The following HSD17B2 variants were observed in gnomAD, a reference collection of about 807,000 sequenced individuals.
The protein encoded by HSD17B2 is hydroxysteroid 17-beta dehydrogenase 2.
Under a neutral mutation model 26.9 loss-of-function variants are expected in HSD17B2, and 32 were observed. The observed-to-expected ratio is 1.19, with a 90% CI of 0.90 to 1.60. The LOEUF (loss-of-function observed/expected upper bound fraction) is 1.60. Among genes scored for constraint, HSD17B2 ranks in the 40% most tolerant of loss-of-function variants. HSD17B2 has a pLI of 0.00. For synonymous variants in HSD17B2, 246 were observed against 186.7 expected (o/e 1.32, Z -2.59); for missense variants, 613 against 468.6 (o/e 1.31, Z -2.85).
chr16:82,079,236 G>C (rs1904324237), intron 3 of HSD17B2, among the ~76,000 whole-genome samples: 1 of 152,142 alleles, frequency 6.6e-6, no homozygotes, highest in Admixed American at 6.5e-5. Context: ...GTGTTAGTTT[G>C]CTAGGGCTAC....
rs574840493 is a variant in HSD17B2, at chr16:82,061,050, G to C, written c.266-7120G>C. 3.3e-5 allele frequency among the ~76,000 whole-genome samples: 5 copies of C among 152,210 alleles called. No individual in the cohort carries two copies. The East Asian group carries it at 9.7e-4, about 29-fold the overall frequency. The stretch of plus-strand genomic sequence containing the variant: ...CTGAGGCAGGTAGATCATGAGATCA[G>C]GAGTTCAAGACCAGCCTGGCCAAGA... On this transcript the variant is annotated intron_variant, in intron 1 of 4. Transcript: ENST00000199936.
intron 1 of HSD17B2, among the ~76,000 whole-genome samples, chr16:82,040,438 G>A (rs906981100): frequency 2.6e-5 from 4 of 152,150 alleles, no homozygotes; most frequent in African/African-American, 4.8e-5. Context: ...AAGGAAATGC[G>A]TCCAAAGTCA....
At position 82,054,683 on chromosome 16, in the gene HSD17B2, A is replaced by C. The variant is rs561125074; in HGVS notation, c.266-13487A>C. Among the ~76,000 whole-genome samples, 3 of 152,228 alleles carry C rather than the reference A, an allele frequency of 2.0e-5. No homozygotes were observed. In the East Asian group the frequency reaches 5.8e-4, roughly 29 times the overall value. The stretch of plus-strand genomic sequence containing the variant: ...AACATACCACTTAGCCATTTCCACC[A>C]ACTTGATTTCCCAACCTCCAGAAAT... On this transcript the variant is annotated intron_variant, in intron 1 of 4. Transcript: ENST00000199936.
intron 3 of HSD17B2, among the ~76,000 whole-genome samples, chr16:82,077,725 T>C (rs1904309899): frequency 6.8e-6 from 1 of 146,592 alleles, no homozygotes. Flanking sequence ...AGTGAGACCC[T>C]GTTTCAAAAG....
chr16:82,047,607 G>C (rs987681720), intron 1 of HSD17B2, among the ~76,000 whole-genome samples: 1 of 152,190 alleles, frequency 6.6e-6, no homozygotes, highest in African/African-American at 2.4e-5. Flanking sequence ...GGATGTAGGA[G>C]ACTGGGGTAG....
chr16:82,046,680 GA>G (rs10714516), intron 1 of HSD17B2, among the ~76,000 whole-genome samples: 16,011 of 146,138 alleles, frequency 0.11, 2,579 homozygotes, highest in African/African-American at 0.35. Context: ...GCTGATAATG[GA>G]AAAAAAAAAA....
intron 4 of HSD17B2, 173 bp from the exon 5 acceptor site, chr16:82,097,902 C>T (rs1904899331): frequency 3.8e-6 from 2 of 526,816 alleles, no homozygotes; most frequent in African/African-American, 2.0e-5. Context: ...CACACCACTG[C>T]ACTTAAGCCT....
intron 3 of HSD17B2, among the ~76,000 whole-genome samples, chr16:82,077,881 A>T (rs1030441175): frequency 6.6e-6 from 1 of 152,210 alleles, no homozygotes; most frequent in African/African-American, 2.4e-5. Flanking sequence ...CTTACCATAT[A>T]AAAAAATCAA....
intron 1 of HSD17B2, among the ~76,000 whole-genome samples, chr16:82,043,727 A>C (rs1273315765): frequency 2.0e-5 from 3 of 151,216 alleles, no homozygotes; most frequent in African/African-American, 7.3e-5. Context: ...ATATAGATAA[A>C]CTTTATTTCA....
At chr16:82,073,880 A>G (rs746295672) in intron 3 of HSD17B2, among the ~76,000 whole-genome samples, 1 of 152,178 alleles carries the variant, frequency 6.6e-6, no homozygotes, top group Non-Finnish European at 1.5e-5. Flanking sequence ...CCAAAAAAGA[A>G]CATGAATAGT....
At chr16:82,078,713 C>A (rs1317339210) in intron 3 of HSD17B2, among the ~76,000 whole-genome samples, 1 of 152,144 alleles carries the variant, frequency 6.6e-6, no homozygotes, top group Non-Finnish European at 1.5e-5. Flanking sequence ...ATATTGTCAT[C>A]TGCAATAACA....
intron 1 of HSD17B2, among the ~76,000 whole-genome samples, chr16:82,038,542 G>C (rs1057351296): frequency 3.3e-5 from 5 of 152,120 alleles, no homozygotes; most frequent in African/African-American, 1.2e-4. Context: ...TAGAGACAGG[G>C]TTGTATGATG....
At chr16:82,078,772 T>C (rs535242573) in intron 3 of HSD17B2, among the ~76,000 whole-genome samples, 26 of 152,250 alleles carry the variant, frequency 1.7e-4, no homozygotes, top group African/African-American at 5.8e-4. Context: ...ATAATGAGCA[T>C]AAAGACAAAC....
rs1913593325 is a variant in HSD17B2 at position 82,035,336 on chromosome 16, T to A, written c.-89T>A. ...TTTCTCCCCTCCCTTCTTGACTCTC[T>A]GTTCACAGAACTCAGGCTGCCTCCA... On this transcript the variant is annotated 5_prime_UTR_variant, in exon 1 of 5. Transcript: ENST00000199936. 1 of 1,299,856 alleles carries A rather than the reference T, an allele frequency of 7.7e-7. No homozygotes were observed. Among genetic ancestry groups the A allele is most frequent in the East Asian group, 2.3e-5 (1 of 43,034 alleles). 80.5% of individuals were successfully genotyped at this position (1,299,856 alleles called of 1,614,324 possible). A position where few individuals can be genotyped will look rare whatever the true frequency, so the allele number is the denominator to read the frequency against.
At chr16:82,042,092 T>A (rs1913782638) in intron 1 of HSD17B2, among the ~76,000 whole-genome samples, 1 of 152,016 alleles carries the variant, frequency 6.6e-6, no homozygotes, top group South Asian at 2.1e-4. Flanking sequence ...AATCTCTGCC[T>A]TCCAGGTTCA....
At chr16:82,073,228 T>A (rs1273683411) in intron 3 of HSD17B2, among the ~76,000 whole-genome samples, 1 of 151,370 alleles carries the variant, frequency 6.6e-6, no homozygotes, top group East Asian at 1.9e-4. Flanking sequence ...ATTATTATTA[T>A]TAATTTTTTT....
At chr16:82,088,394 A>C (rs78285470) in intron 3 of HSD17B2, among the ~76,000 whole-genome samples, 1 of 152,218 alleles carries the variant, frequency 6.6e-6, no homozygotes, top group African/African-American at 2.4e-5. Flanking sequence ...CCTATGATGC[A>C]TGGACCATCA....
intron 1 of HSD17B2, chr16:82,044,740 G>C (rs1913868574): frequency 6.6e-6 from 1 of 152,306 alleles, no homozygotes; most frequent in South Asian, 2.1e-4. Flanking sequence ...GGCCAGGAAC[G>C]TCACACTGAA....
chr16:82,082,561 A>C (rs1904413035), intron 3 of HSD17B2, among the ~76,000 whole-genome samples: 1 of 152,134 alleles, frequency 6.6e-6, no homozygotes, highest in Admixed American at 6.6e-5. Context: ...TGTAAGTGTT[A>C]GCTATTATTT....
Sources: allele counts gnomAD v4.1 joint callset (sites outside exome capture counted in the v4.1 genomes callset), GRCh38; gene constraint gnomAD v4.1.1; transcripts MANE v1.5; gene names NCBI Gene and HGNC (gene_info 2026-07-23, HGNC 2026-07-21).